Variants in MAP3K5 observed in about 807,000 individuals in gnomAD.
The protein encoded by MAP3K5 is ASK-1.
In MAP3K5, 56 loss-of-function variants were observed where a neutral mutation model predicts 158.7. The observed-to-expected ratio is 0.35, with a 90% CI of 0.28 to 0.44. The LOEUF is 0.44. Ranked by LOEUF, MAP3K5 falls within the 20% of genes least tolerant of loss-of-function variation. MAP3K5 has a pLI of 1.00. For synonymous variants in MAP3K5, 579 were observed against 601.7 expected (o/e 0.96, Z 0.55); for missense variants, 1,294 against 1,674.8 (o/e 0.77, Z 3.97).
chr6:136,722,028 T>C (rs1397640186), intron 1 of MAP3K5, among the ~76,000 whole-genome samples: 1 of 152,216 alleles, frequency 6.6e-6, no homozygotes, highest in Non-Finnish European at 1.5e-5. Context: ...TACTATATAA[T>C]GGCTTTCTGA....
intron 2 of MAP3K5, among the ~76,000 whole-genome samples, chr6:136,715,331 A>G: frequency 6.6e-6 from 1 of 152,238 alleles, no homozygotes; most frequent in East Asian, 1.9e-4. Flanking sequence ...ACAAAAAATA[A>G]AAGAATATAG....
intron 14 of MAP3K5, among the ~76,000 whole-genome samples, chr6:136,632,997 T>C (rs1217162058): frequency 2.6e-5 from 4 of 152,124 alleles, no homozygotes; most frequent in African/African-American, 9.7e-5. Context: ...AGACAGAAAA[T>C]CCTTCTCTGA....
chr6:136,638,054 G>T (rs959991500), intron 13 of MAP3K5, among the ~76,000 whole-genome samples: 1 of 151,916 alleles, frequency 6.6e-6, no homozygotes, highest in African/African-American at 2.4e-5. Flanking sequence ...TTCATATGTG[G>T]TATCAACTTC....
intron 18 of MAP3K5, among the ~76,000 whole-genome samples, chr6:136,610,597 T>TA (rs201221344): frequency 0.05 from 3,236 of 64,344 alleles, 162 homozygotes; most frequent in South Asian, 0.36. Context: ...AAATGTTTAA[T>TA]AAAAAAAAAA....
intron 1 of MAP3K5, among the ~76,000 whole-genome samples, chr6:136,740,137 C>CA (rs1782649390): frequency 6.6e-6 from 1 of 152,188 alleles, no homozygotes; most frequent in Admixed American, 6.5e-5. Context: ...GGAGTAGAAT[C>CA]AGACAGCTTT....
intron 2 of MAP3K5, among the ~76,000 whole-genome samples, chr6:136,710,200 G>C (rs1375609611): frequency 6.6e-6 from 1 of 152,170 alleles, no homozygotes; most frequent in Admixed American, 6.5e-5. Context: ...CCACTAAAGA[G>C]GGGTGGGAAG....
chr6:136,654,794 T>C (rs889876835), intron 10 of MAP3K5, among the ~76,000 whole-genome samples: 9 of 152,192 alleles, frequency 5.9e-5, no homozygotes, highest in African/African-American at 1.4e-4. Context: ...TTTTGCATAT[T>C]TGGCAAATTG....
chr6:136,625,337 A>G (rs952476696), intron 14 of MAP3K5, among the ~76,000 whole-genome samples: 1 of 152,198 alleles, frequency 6.6e-6, no homozygotes, highest in East Asian at 1.9e-4. Flanking sequence ...CTGGGGCTAT[A>G]GTTTGCTGAC....
At chr6:136,708,086 G>C (rs571817794) in intron 2 of MAP3K5, among the ~76,000 whole-genome samples, 1 of 152,084 alleles carries the variant, frequency 6.6e-6, no homozygotes. Context: ...CAATGGAGTC[G>C]GTTGGCTGAC....
chr6:136,777,555 C>T (rs887416598), intron 1 of MAP3K5, among the ~76,000 whole-genome samples: 5 of 152,100 alleles, frequency 3.3e-5, no homozygotes, highest in East Asian at 3.8e-4. Context: ...GAAGAACTAA[C>T]GCACATCAAC....
At chr6:136,712,149 T>C (rs944015729) in intron 2 of MAP3K5, among the ~76,000 whole-genome samples, 3 of 151,806 alleles carry the variant, frequency 2.0e-5, no homozygotes, top group African/African-American at 7.3e-5. Context: ...ATGAATGACA[T>C]TTTATACATA....
chr6:136,608,481 AAGGC>A (rs2129088872), intron 18 of MAP3K5, among the ~76,000 whole-genome samples: 1 of 152,204 alleles, frequency 6.6e-6, no homozygotes, highest in African/African-American at 2.4e-5. Context: ...ACATGTTTTG[AAGGC>A]TTCGTGGACG....
chr6:136,599,984 G>T (rs185662185), intron 21 of MAP3K5, among the ~76,000 whole-genome samples: 50 of 152,150 alleles, frequency 3.3e-4, no homozygotes, highest in Non-Finnish European at 5.6e-4. Context: ...TGGAAGAAAT[G>T]GAAGAAGAAA....
intron 1 of MAP3K5, among the ~76,000 whole-genome samples, chr6:136,737,053 A>ATATATATATG (rs1554308027): frequency 1.3e-5 from 2 of 148,470 alleles, no homozygotes; most frequent in Non-Finnish European, 3.0e-5. Flanking sequence ...ATATATATAT[A>ATATATATATG]TATAAACTTA....
chr6:136,742,758 T>C (rs1030917002), intron 1 of MAP3K5, among the ~76,000 whole-genome samples: 1 of 152,176 alleles, frequency 6.6e-6, no homozygotes. Flanking sequence ...ACATATCTGT[T>C]AAAGAGTGTT....
At chr6:136,558,583 C>T (rs1402785792) in intron 29 of MAP3K5, among the ~76,000 whole-genome samples, 1 of 152,114 alleles carries the variant, frequency 6.6e-6, no homozygotes, top group East Asian at 1.9e-4. Context: ...AAAAATTCTT[C>T]CAGTTGATTT....
intron 15 of MAP3K5, among the ~76,000 whole-genome samples, chr6:136,620,273 G>T (rs1371361233): frequency 1.3e-5 from 2 of 152,070 alleles, no homozygotes; most frequent in East Asian, 3.9e-4. Flanking sequence ...CTGACTTAAA[G>T]AAATAAGGAA....
intron 2 of MAP3K5, among the ~76,000 whole-genome samples, chr6:136,712,980 T>A (rs1029873631): frequency 6.6e-6 from 1 of 152,154 alleles, no homozygotes; most frequent in Non-Finnish European, 1.5e-5. Flanking sequence ...AATTACCCAG[T>A]CTCAGGTATG....
intron 1 of MAP3K5, among the ~76,000 whole-genome samples, chr6:136,747,965 A>C (rs1357420868): frequency 6.6e-6 from 1 of 152,212 alleles, no homozygotes; most frequent in African/African-American, 2.4e-5. Flanking sequence ...TAGGTCTATC[A>C]GATATATGGT....
Sources: gnomAD v4.1 joint callset for allele counts (sites outside exome capture counted in the v4.1 genomes callset) on GRCh38, gnomAD v4.1.1 for gene constraint, MANE v1.5 for transcripts, NCBI Gene and HGNC (gene_info 2026-07-23, HGNC 2026-07-21) for gene names.